Variants in AFF3 observed in about 807,000 individuals in gnomAD.
AFF3 encodes the protein AF4/FMR2 family member 3.
In AFF3, 32 loss-of-function variants were observed where a neutral mutation model predicts 129.7. That is an observed-to-expected ratio of 0.25 (90% CI 0.19 to 0.33). AFF3 has a LOEUF of 0.33. Among genes scored for constraint, AFF3 ranks in the 10% least tolerant of loss-of-function variants. The probability of loss-of-function intolerance (pLI) is 1.00; values close to 1 mark genes in which losing one functional copy is unlikely to be tolerated. For missense variants in AFF3, 1,373 were observed against 1,592.0 expected (o/e 0.86, Z 2.34); for synonymous variants, 644 against 635.4 (o/e 1.01, Z -0.20).
Position 99,682,924 on chromosome 2 carries a change from G to A in AFF3, c.1092-10335C>T, listed in dbSNP as rs1674669109. On this transcript the variant is annotated intron_variant, in intron 11 of 24. Transcript: ENST00000672756. Reference sequence around the variant, plus strand: ...CACCCTTCTGTGAATAATGCCTGCTGGAGACATCTGAGATTACTGTTAGCA... The same window carrying A: ...CACCCTTCTGTGAATAATGCCTGCTAGAGACATCTGAGATTACTGTTAGCA... Among the ~76,000 whole-genome samples, 3 of 152,172 alleles carry A rather than the reference G, an allele frequency of 2.0e-5. No individual in the cohort carries two copies. In the South Asian group the frequency reaches 6.2e-4, roughly 32 times the overall value.
At position 100,014,783 on chromosome 2, in the gene AFF3, C is replaced by CTTTTTTTTTTTTTTTTT. The variant is rs60456923; in HGVS notation, c.54-5868_54-5852dup. Among the ~76,000 whole-genome samples, 17 of 120,404 alleles carry CTTTTTTTTTTTTTTTTT rather than the reference C, an allele frequency of 1.4e-4. 1 individual carries two copies. The highest frequency in any genetic ancestry group is 5.6e-4 in the African/African-American group (17 of 30,138). 79.0% of individuals were successfully genotyped at this position (120,404 alleles called of 152,430 possible). A position where few individuals can be genotyped will look rare whatever the true frequency, so the allele number is the denominator to read the frequency against. ...CCATACCTCCATACCACCTTGCTTC[C>CTTTTTTTTTTTTTTTTT]TTTTTTTTTTTTTTTTTTTAGACGG... On this transcript the variant is annotated intron_variant, in intron 4 of 24. Coordinates refer to ENST00000672756, the MANE Select transcript of AFF3 (RefSeq NM_001386135.1).
intron 7 of AFF3, among the ~76,000 whole-genome samples, chr2:99,898,034 T>C (rs911267982): frequency 6.6e-5 from 10 of 152,208 alleles, no homozygotes; most frequent in Non-Finnish European, 4.4e-5. Flanking sequence ...TGACAAGTCT[T>C]AAGGCTTTTC....
intron 11 of AFF3, among the ~76,000 whole-genome samples, chr2:99,691,388 G>A (rs1675639396): frequency 6.6e-6 from 1 of 152,162 alleles, no homozygotes. Context: ...TGTTATTTTG[G>A]AGCATTCAGA....
At chr2:99,847,631 C>T (rs1001952664) in intron 7 of AFF3, among the ~76,000 whole-genome samples, 2 of 151,916 alleles carry the variant, frequency 1.3e-5, no homozygotes, top group African/African-American at 4.8e-5. Flanking sequence ...CAGAGTGAGT[C>T]CTTCTGCTTG....
At chr2:99,886,463 G>C (rs541298273) in intron 7 of AFF3, among the ~76,000 whole-genome samples, 3 of 151,878 alleles carry the variant, frequency 2.0e-5, no homozygotes, top group Non-Finnish European at 2.9e-5. Context: ...CAAGGTCAGA[G>C]AGCCTCCTAA....
chr2:99,774,264 G>C (rs1358347199), intron 8 of AFF3, among the ~76,000 whole-genome samples: 1 of 152,082 alleles, frequency 6.6e-6, no homozygotes, highest in Admixed American at 6.5e-5. Flanking sequence ...CCAAAAAAGA[G>C]CCCAAATAGC....
chr2:100,035,535 G>T (rs1292660019), intron 4 of AFF3, among the ~76,000 whole-genome samples: 1 of 152,154 alleles, frequency 6.6e-6, no homozygotes, highest in Admixed American at 6.5e-5. Context: ...GAAGCACATG[G>T]GAGCAGACAC....
In AFF3 at chr2:99,796,709, A is replaced by C. The variant is rs182688724; in HGVS notation, c.921+40768T>G. 2.0e-5 allele frequency among the ~76,000 whole-genome samples: 3 copies of C among 152,328 alleles called. No individual in the cohort carries two copies. The East Asian group carries it at 5.8e-4, about 29-fold the overall frequency. ...CAGGTCTTCCTTGAGTATTCAGCAG[A>C]GTTCTGAGTGGCACAAGTACATGAA... is the stretch of plus-strand genomic sequence containing the variant. On this transcript the variant is annotated intron_variant, in intron 8 of 24. Coordinates refer to ENST00000672756, the MANE Select transcript of AFF3 (RefSeq NM_001386135.1).
At chr2:99,763,918 T>C (rs180975434) in intron 8 of AFF3, among the ~76,000 whole-genome samples, 5 of 152,340 alleles carry the variant, frequency 3.3e-5, no homozygotes, top group African/African-American at 1.2e-4. Flanking sequence ...GATCTCAGAA[T>C]GGGACGCTGA....
chr2:99,911,183 C>A (rs762244373), intron 7 of AFF3, among the ~76,000 whole-genome samples: 2 of 152,224 alleles, frequency 1.3e-5, no homozygotes, highest in African/African-American at 2.4e-5. Context: ...TTTTGACAAT[C>A]GATTGACCTG....
At chr2:100,134,770 A>T (rs942163046) in intron 1 of AFF3, among the ~76,000 whole-genome samples, 2 of 152,230 alleles carry the variant, frequency 1.3e-5, no homozygotes, top group Non-Finnish European at 2.9e-5. Flanking sequence ...TCGTTCATTT[A>T]TTCAGTAAAC....
At chr2:99,622,965 G>C (rs1051977105) in intron 13 of AFF3, among the ~76,000 whole-genome samples, 1 of 152,140 alleles carries the variant, frequency 6.6e-6, no homozygotes, top group Admixed American at 6.5e-5. Flanking sequence ...AGGTAGCCTT[G>C]CTTTTTTCCA....
rs1675352282 is a variant in AFF3 at position 99,560,293 on chromosome 2, T to TTG, written c.3191+71_3191+72insCA. ...GAAGACATTGGGCAAACACTATGCCTTTCAGCACCTGGTTTGCCAATGATG... is the reference window on the plus strand; with the variant it reads ...GAAGACATTGGGCAAACACTATGCCTTGTTCAGCACCTGGTTTGCCAATGATG... On this transcript the variant is annotated intron_variant, in intron 21 of 24. Transcript: ENST00000672756. 12 of 1,513,326 alleles carry TTG rather than the reference T, an allele frequency of 7.9e-6. No homozygotes were observed. The East Asian group carries it at 2.7e-4, about 34-fold the overall frequency. 93.7% of individuals were successfully genotyped at this position (1,513,326 alleles called of 1,614,324 possible).
chr2:99,652,297 T>C (rs573426065), intron 12 of AFF3, among the ~76,000 whole-genome samples: 1 of 152,250 alleles, frequency 6.6e-6, no homozygotes, highest in African/African-American at 2.4e-5. Flanking sequence ...TCCCAAACCC[T>C]GGGTGTCTGG....
At chr2:99,753,333 C>CGA (rs1681824414) in intron 8 of AFF3, among the ~76,000 whole-genome samples, 1 of 152,134 alleles carries the variant, frequency 6.6e-6, no homozygotes, top group African/African-American at 2.4e-5. Flanking sequence ...CTCCTGACCT[C>CGA]GGGTGACCCG....
intron 1 of AFF3, among the ~76,000 whole-genome samples, chr2:100,137,229 ATTTCATGGTGTT>A (rs1251574381): frequency 6.6e-6 from 1 of 152,180 alleles, no homozygotes; most frequent in Non-Finnish European, 1.5e-5. Flanking sequence ...ATATGACAGG[ATTTCATGGTGTT>A]TCCCAAAGAA....
chr2:99,868,283 AT>A (rs200480543), intron 7 of AFF3, among the ~76,000 whole-genome samples: 3 of 151,220 alleles, frequency 2.0e-5, no homozygotes, highest in Non-Finnish European at 4.4e-5. Flanking sequence ...AGATCTTTTG[AT>A]TTTTTTTTAA....
intron 13 of AFF3, among the ~76,000 whole-genome samples, chr2:99,640,327 T>C (rs1050795054): frequency 6.6e-6 from 1 of 152,130 alleles, no homozygotes; most frequent in African/African-American, 2.4e-5. Flanking sequence ...GAACATCTTA[T>C]GATACCTCAT....
At chr2:100,058,694 T>C (rs1374842453) in intron 4 of AFF3, among the ~76,000 whole-genome samples, 2 of 152,066 alleles carry the variant, frequency 1.3e-5, no homozygotes, top group Non-Finnish European at 2.9e-5. Flanking sequence ...TCAAAATAGA[T>C]CATGAACCTA....
Sources: gnomAD v4.1 joint callset for allele counts (sites outside exome capture counted in the v4.1 genomes callset) on GRCh38, gnomAD v4.1.1 for gene constraint, MANE v1.5 for transcripts, NCBI Gene and HGNC (gene_info 2026-07-23, HGNC 2026-07-21) for gene names.